GCC2: variants seen among roughly 807,000 people sequenced by gnomAD.
GCC2 encodes GRIP and coiled-coil domain containing 2.
Under a neutral mutation model 210.6 loss-of-function variants are expected in GCC2, and 120 were observed. That is an observed-to-expected ratio of 0.57 (90% confidence interval 0.49 to 0.66). The LOEUF (loss-of-function observed/expected upper bound fraction) is 0.66. Among genes scored for constraint, GCC2 ranks in the 30% least tolerant of loss-of-function variants. The pLI, the probability that GCC2 is intolerant of heterozygous loss-of-function variation, is 0.00. For synonymous variants in GCC2, 703 were observed against 652.7 expected, an observed-to-expected ratio of 1.08 and a Z score of -1.17; for missense variants, 1,868 against 1,871.9, an observed-to-expected ratio of 1.00 and a Z score of 0.04.
chr2:108,449,778 ATTTT>A, intron 2 of GCC2, 89 bp downstream of exon 2: 2 of 743,114 alleles, frequency 2.7e-6, no homozygotes, highest in South Asian at 1.7e-5. Flanking sequence ...GGGGGCGCTG[ATTTT>A]TTTTTTTTTA....
At chr2:108,453,809 A>G (rs983936227) in intron 4 of GCC2, among the ~76,000 whole-genome samples, 4 of 151,630 alleles carry the variant, frequency 2.6e-5, no homozygotes, top group Non-Finnish European at 4.4e-5. Context: ...AAAACACAAA[A>G]AATCTGAGTT....
intron 4 of GCC2, among the ~76,000 whole-genome samples, chr2:108,461,873 G>A (rs1223740846): frequency 9.6e-5 from 11 of 114,504 alleles, no homozygotes; most frequent in East Asian, 2.4e-4. Flanking sequence ...TCGCTCTTTC[G>A]CCCAGGCCGG....
At chr2:108,450,951 A>C in intron 2 of GCC2, 77 bp from the exon 3 acceptor site, 1 of 883,260 alleles carries the variant, frequency 1.1e-6, no homozygotes, top group Non-Finnish European at 1.8e-6. Context: ...TTTGTTTTCT[A>C]GCAGACATTG....
chr2:108,465,611 T>C (rs1182539231), intron 4 of GCC2, among the ~76,000 whole-genome samples: 1 of 152,182 alleles, frequency 6.6e-6, no homozygotes, highest in East Asian at 1.9e-4. Flanking sequence ...TGGTTTTTGG[T>C]TTTACTTCAC....
intron 4 of GCC2, among the ~76,000 whole-genome samples, chr2:108,458,320 A>G (rs896630433): frequency 7.5e-6 from 1 of 134,148 alleles, no homozygotes; most frequent in Non-Finnish European, 1.6e-5. Context: ...GTTTGCCAGT[A>G]TTTTGCTGAG....
Position 108,456,720 on chromosome 2 carries a change from G to A in GCC2, c.216+4254G>A, listed in dbSNP as rs13418980. On this transcript the variant is annotated intron_variant, in intron 4 of 22. Coordinates refer to ENST00000309863, the MANE Select transcript of GCC2 (RefSeq NM_181453.4). Reference sequence around the variant, plus strand: ...AATCTCAGCATTAAGGGAAGCCATGGCAGGAGGATCACTTGAGCCGAGCAG... The same window carrying A: ...AATCTCAGCATTAAGGGAAGCCATGACAGGAGGATCACTTGAGCCGAGCAG... 4.2e-3 allele frequency among the ~76,000 whole-genome samples: 636 copies of A among 152,168 alleles called. 7 individuals carry two copies. The highest frequency in any genetic ancestry group is 0.014 in the African/African-American group (599 of 41,510).
intron 4 of GCC2, among the ~76,000 whole-genome samples, chr2:108,464,870 G>T (rs1464738323): frequency 6.6e-6 from 1 of 152,130 alleles, no homozygotes; most frequent in Non-Finnish European, 1.5e-5. Flanking sequence ...CATCTGCTTG[G>T]CTTCTAGGGA....
intron 4 of GCC2, 62 bp from the exon 5 acceptor site, chr2:108,468,918 T>G: frequency 9.9e-7 from 1 of 1,014,926 alleles, no homozygotes; most frequent in Non-Finnish European, 1.6e-6. Context: ...CAGGAGATAA[T>G]TACGCATGTG....
Position 108,492,724 on chromosome 2 carries a change from T to C in GCC2, c.4381T>C (p.Leu1461=), listed in dbSNP as rs1371532273. The C allele has an allele frequency of 5.6e-6, 9 of 1,614,104 alleles. No homozygotes were observed. Among genetic ancestry groups the C allele is most frequent in the Non-Finnish European group, 7.6e-6 (9 of 1,179,984 alleles). Residue 1461 remains leucine, a synonymous_variant, in exon 19 of 23, where the codon TTA becomes CTA. Transcript: ENST00000309863. ...QEEHRKTVET[L]QQQLSKMEAQ... is the part of the protein sequence containing the mutation. ...AGAACACAGAAAGACAGTGGAGACA[T>C]TACAGCAGCAGCTCTCCAAGATGGA...
intron 18 of GCC2, 81 bp from the exon 19 acceptor site, chr2:108,492,492 T>C (rs1682452156): frequency 1.2e-6 from 1 of 842,600 alleles, no homozygotes; most frequent in African/African-American, 1.7e-5. Context: ...GAGCTAATTC[T>C]CTTGCAGAAC....
chr2:108,464,359 A>G (rs955518642), intron 4 of GCC2, among the ~76,000 whole-genome samples: 2 of 152,178 alleles, frequency 1.3e-5, no homozygotes, highest in Non-Finnish European at 2.9e-5. Context: ...ACCTCAGCCC[A>G]GGTTGCCGGG....
chr2:108,473,045 C>T lies in GCC2; in HGVS notation c.2860+146C>T, dbSNP rs188047241. On this transcript the variant is annotated intron_variant, in intron 7 of 22. Transcript: ENST00000309863. The stretch of plus-strand genomic sequence containing the variant: ...TTTTCCTCGAGCTCACATTCTTGCC[C>T]CTCTAACACCTGTTTGCCTTCTCTT... 1.6e-5 allele frequency: 8 copies of T among 507,100 alleles called. No homozygotes were observed. The East Asian group carries it at 1.7e-4, about 11-fold the overall frequency. 31.4% of individuals were successfully genotyped at this position (507,100 alleles called of 1,614,324 possible).
intron 11 of GCC2, 53 bp downstream of exon 11, chr2:108,482,504 ATAT>A (rs1165297413): frequency 1.1e-5 from 9 of 856,746 alleles, no homozygotes; most frequent in African/African-American, 3.4e-5. Context: ...ATTTACCAAA[ATAT>A]TATTTAAATG....
chr2:108,475,499 G>T (rs1401462937), intron 7 of GCC2, 36 bp from the exon 8 acceptor site: 1 of 959,998 alleles, frequency 1.0e-6, no homozygotes, highest in Non-Finnish European at 1.5e-6. Context: ...TTTTCCTTTT[G>T]AGTTCGTATG....
intron 22 of GCC2, among the ~76,000 whole-genome samples, chr2:108,501,365 T>C (rs1296677615): frequency 6.6e-6 from 1 of 152,144 alleles, no homozygotes; most frequent in Non-Finnish European, 1.5e-5. Flanking sequence ...AGTGGTCATT[T>C]ATGCTATAGC....
At chr2:108,450,787 C>T (rs545860933) in intron 2 of GCC2, among the ~76,000 whole-genome samples, 96 of 152,116 alleles carry the variant, frequency 6.3e-4, no homozygotes, top group African/African-American at 2.3e-3. Flanking sequence ...GAGGCTGAGA[C>T]AGGAGAATTG....
chr2:108,472,665 G>A (rs1321114344), intron 6 of GCC2, among the ~76,000 whole-genome samples, 162 bp from the exon 7 acceptor site: 1 of 151,002 alleles, frequency 6.6e-6, no homozygotes, highest in Non-Finnish European at 1.5e-5. Context: ...TTAATTTTCT[G>A]GTCTAACAAG....
chr2:108,461,745 C>T (rs913481416), intron 4 of GCC2, among the ~76,000 whole-genome samples: 1 of 151,756 alleles, frequency 6.6e-6, no homozygotes, highest in Non-Finnish European at 1.5e-5. Flanking sequence ...CTCAGGTGAT[C>T]CACCTGCCTC....
intron 7 of GCC2, among the ~76,000 whole-genome samples, chr2:108,474,587 G>A (rs565130602): frequency 6.6e-6 from 1 of 152,160 alleles, no homozygotes; most frequent in Non-Finnish European, 1.5e-5. Context: ...GAAAAAAAGC[G>A]ATGGGACAAA....
Sources: gnomAD v4.1 joint callset for allele counts (sites outside exome capture counted in the v4.1 genomes callset) on GRCh38, gnomAD v4.1.1 for gene constraint, MANE v1.5 for transcripts, NCBI Gene and HGNC (gene_info 2026-07-23, HGNC 2026-07-21) for gene names.